HYDIN: variants seen among roughly 807,000 people sequenced by gnomAD.
HYDIN encodes HYDIN axonemal central pair apparatus protein.
HYDIN carries 132 observed loss-of-function variants against 403.9 expected under a neutral mutation model. The ratio of observed to expected loss-of-function variants is 0.33; its 90% CI spans 0.28 to 0.38. HYDIN has a LOEUF of 0.38. Ranked by LOEUF, HYDIN falls within the 10% of genes least tolerant of loss-of-function variation. The probability of loss-of-function intolerance (pLI) is 1.00; values close to 1 mark genes in which losing one functional copy is unlikely to be tolerated. For missense variants in HYDIN, 2,827 were observed against 5,009.5 expected (o/e 0.56, Z 13.15); for synonymous variants, 1,202 against 1,891.7 (o/e 0.64, Z 9.46).
Position 71,093,947 on chromosome 16 carries a change from A to G in HYDIN, c.1328-12T>C, listed in dbSNP as rs4315334. Reference sequence around the variant, plus strand: ...ACGGATTTCTCGGCCTAGAAAAACAATTCAGACTTTATCATCCAAATGGTG... The same window carrying G: ...ACGGATTTCTCGGCCTAGAAAAACAGTTCAGACTTTATCATCCAAATGGTG... On this transcript the variant is annotated splice_polypyrimidine_tract_variant and intron_variant, in intron 10 of 85. Coordinates refer to ENST00000393567, the MANE Select transcript of HYDIN (RefSeq NM_001270974.2). The G allele has an allele frequency of 1.2e-6, 2 of 1,613,302 alleles. No homozygotes were observed. Among genetic ancestry groups the G allele is most frequent in the East Asian group, 4.5e-5 (2 of 44,858 alleles).
rs763099230 is a variant in HYDIN at position 71,069,379 on chromosome 16, T to C, written c.1862A>G (p.Asp621Gly). The change falls in exon 14 of 86, where the codon GAC (aspartate) becomes GGC (glycine). Residue 621 changes from aspartate to glycine, a missense_variant. Transcript: ENST00000393567. ...CTTGGTCCAAGATGGTCTTTTGTAG[T>C]CCACATGCTGCTCACAATATGAAAT... ...KSISYCEQHVDYKRPSWTKEE... is the reference protein window; with the variant it reads ...KSISYCEQHVGYKRPSWTKEE... The C allele has an allele frequency of 1.2e-6, 2 of 1,614,170 alleles. No individual in the cohort carries two copies. The highest frequency in any genetic ancestry group is 1.1e-5 in the South Asian group (1 of 91,074).
At chr16:71,023,973 A>G (rs2080592387) in intron 21 of HYDIN, among the ~76,000 whole-genome samples, 1 of 152,198 alleles carries the variant, frequency 6.6e-6, no homozygotes, top group South Asian at 2.1e-4. Context: ...CAAAGATCAC[A>G]CTGTGGGGCA....
At chr16:71,202,763 T>C (rs2144710257) in intron 1 of HYDIN, among the ~76,000 whole-genome samples, 1 of 152,346 alleles carries the variant, frequency 6.6e-6, no homozygotes, top group Non-Finnish European at 1.5e-5. Flanking sequence ...TTAAAAATAC[T>C]CTTTAACTGC....
intron 50 of HYDIN, among the ~76,000 whole-genome samples, chr16:70,906,609 A>G (rs1350176453): frequency 1.3e-5 from 2 of 152,102 alleles, no homozygotes; most frequent in Admixed American, 1.3e-4. Flanking sequence ...CATAAGAATA[A>G]CAGCGCACGA....
intron 1 of HYDIN, among the ~76,000 whole-genome samples, chr16:71,229,636 C>G (rs572094436): frequency 6.6e-6 from 1 of 152,134 alleles, no homozygotes; most frequent in African/African-American, 2.4e-5. Context: ...GTATAACAAG[C>G]CAGACAAAAA....
chr16:70,888,757 C>T (rs1221146855), intron 58 of HYDIN, among the ~76,000 whole-genome samples: 1 of 152,120 alleles, frequency 6.6e-6, no homozygotes, highest in African/African-American at 2.4e-5. Context: ...GGGGGTGGGG[C>T]ACCTCATGAC....
chr16:70,854,958 C>T (rs2038924072), intron 73 of HYDIN, among the ~76,000 whole-genome samples, 170 bp downstream of exon 73: 1 of 150,810 alleles, frequency 6.6e-6, no homozygotes, highest in South Asian at 2.1e-4. Context: ...GCTCCATATT[C>T]ATCAGGAAAA....
At chr16:71,164,694 T>C (rs1429243261) in intron 5 of HYDIN, among the ~76,000 whole-genome samples, 1 of 96,264 alleles carries the variant, frequency 1.0e-5, no homozygotes, top group African/African-American at 4.3e-5. Flanking sequence ...TCTCATTGGA[T>C]ATAAACTTAT....
intron 7 of HYDIN, among the ~76,000 whole-genome samples, chr16:71,152,019 T>A (rs2085554684): frequency 6.6e-6 from 1 of 152,088 alleles, no homozygotes; most frequent in South Asian, 2.1e-4. Context: ...TTTACATTTT[T>A]AAAATGTTAG....
At chr16:71,116,917 G>A (rs2084057907) in intron 9 of HYDIN, among the ~76,000 whole-genome samples, 1 of 152,048 alleles carries the variant, frequency 6.6e-6, no homozygotes, top group Non-Finnish European at 1.5e-5. Context: ...CCAGTACCGG[G>A]GCTTCAGAGA....
chr16:71,070,726 A>G (rs530834495), intron 13 of HYDIN, among the ~76,000 whole-genome samples: 4 of 131,894 alleles, frequency 3.0e-5, no homozygotes, highest in African/African-American at 6.5e-5. Flanking sequence ...ACAAAAATGC[A>G]TATTTCTACT....
intron 7 of HYDIN, among the ~76,000 whole-genome samples, chr16:71,137,954 T>A (rs1216177792): frequency 6.6e-6 from 1 of 150,808 alleles, no homozygotes; most frequent in Non-Finnish European, 1.5e-5. Context: ...CACACACCCC[T>A]GACATGTCTG....
chr16:70,989,606 T>C (rs1163142632), intron 25 of HYDIN, among the ~76,000 whole-genome samples: 1 of 152,150 alleles, frequency 6.6e-6, no homozygotes, highest in African/African-American at 2.4e-5. Context: ...CATCTTCCCA[T>C]ATGACTGAAT....
At chr16:71,221,360 G>A (rs1487724374) in intron 1 of HYDIN, among the ~76,000 whole-genome samples, 1 of 152,084 alleles carries the variant, frequency 6.6e-6, no homozygotes, top group African/African-American at 2.4e-5. Flanking sequence ...CTCAAAGTAT[G>A]ATTTTTACTT....
intron 23 of HYDIN, among the ~76,000 whole-genome samples, chr16:71,010,754 A>G (rs902184911): frequency 3.3e-5 from 5 of 152,166 alleles, no homozygotes; most frequent in African/African-American, 1.2e-4. Flanking sequence ...GGGATTCAAT[A>G]AAGTAATGCT....
intron 5 of HYDIN, among the ~76,000 whole-genome samples, chr16:71,168,212 G>A (rs1191560309): frequency 6.7e-6 from 1 of 148,838 alleles, no homozygotes; most frequent in East Asian, 2.0e-4. Context: ...CCAGCTACTT[G>A]GGAGGCTGAG....
chr16:70,896,630 A>G (rs2143736488), intron 53 of HYDIN, among the ~76,000 whole-genome samples: 1 of 147,460 alleles, frequency 6.8e-6, no homozygotes, highest in African/African-American at 2.5e-5. Context: ...TGTTGGGGTT[A>G]TAGATGTGAG....
intron 18 of HYDIN, among the ~76,000 whole-genome samples, chr16:71,032,817 T>C (rs1310899067): frequency 3.1e-5 from 2 of 65,050 alleles, no homozygotes; most frequent in African/African-American, 1.1e-4. Context: ...ATTCACTAGC[T>C]CTCTCTTCAG....
intron 85 of HYDIN, among the ~76,000 whole-genome samples, chr16:70,808,375 G>A (rs2035236967): frequency 6.6e-6 from 1 of 152,104 alleles, no homozygotes. Context: ...CATGTACATG[G>A]AAGACCAAAC....
Sources: allele counts gnomAD v4.1 joint callset (sites outside exome capture counted in the v4.1 genomes callset), GRCh38; gene constraint gnomAD v4.1.1; transcripts MANE v1.5; gene names NCBI Gene and HGNC (gene_info 2026-07-23, HGNC 2026-07-21).